Variants in INSR observed in about 807,000 individuals in gnomAD.
INSR encodes IR.
INSR carries 67 observed loss-of-function variants against 142.6 expected under a neutral mutation model. That is an observed-to-expected ratio of 0.47 (90% confidence interval 0.39 to 0.58). The LOEUF (loss-of-function observed/expected upper bound fraction) is 0.58. INSR is among the 20% of genes least tolerant of loss of function. INSR has a pLI of 0.00. For synonymous variants in INSR, 756 were observed against 743.1 expected, an observed-to-expected ratio of 1.02 and a Z score of -0.28; for missense variants, 1,248 against 1,833.2, an observed-to-expected ratio of 0.68 and a Z score of 5.83.
At chr19:7,221,837 C>T (rs896924126) in intron 2 of INSR, among the ~76,000 whole-genome samples, 11 of 152,098 alleles carry the variant, frequency 7.2e-5, no homozygotes, top group African/African-American at 2.2e-4. Flanking sequence ...CCAGGCCCCC[C>T]GTCCACTTAC....
chr19:7,285,163 A>C (rs1169407757), intron 1 of INSR, among the ~76,000 whole-genome samples: 1 of 151,688 alleles, frequency 6.6e-6, no homozygotes, highest in African/African-American at 2.4e-5. Flanking sequence ...GAAAAGTTAA[A>C]AATTAGGCCG....
chr19:7,113,195 A>G lies in INSR; in HGVS notation c.*3861T>C, dbSNP rs189534945. On this transcript the variant is annotated 3_prime_UTR_variant, in exon 22 of 22. Transcript: ENST00000302850. ...ATGCTGATGACGCTCCTGCTCTTTCACACGTGTTACAGCAGACTACAAATA... is the reference window on the plus strand; with the variant it reads ...ATGCTGATGACGCTCCTGCTCTTTCGCACGTGTTACAGCAGACTACAAATA... The G allele has an allele frequency of 1.1e-4, 16 of 152,178 alleles. No homozygotes were observed. The highest frequency in any genetic ancestry group is 7.2e-4 in the Admixed American group (11 of 15,294). The allele number at this position is 152,178 out of a possible 1,614,324, so 9.4% of individuals were successfully genotyped here.
At chr19:7,198,323 G>T (rs1250194119) in intron 2 of INSR, among the ~76,000 whole-genome samples, 1 of 151,892 alleles carries the variant, frequency 6.6e-6, no homozygotes, top group East Asian at 1.9e-4. Flanking sequence ...GGCCGCCGCC[G>T]GGCGGTCCCG....
chr19:7,167,733 C>T lies in INSR; in HGVS notation c.1610+235G>A, dbSNP rs141272481. 1.4e-3 allele frequency among the ~76,000 whole-genome samples: 206 copies of T among 152,178 alleles called. 2 individuals carry two copies. Among genetic ancestry groups the T allele is most frequent in the African/African-American group, 4.3e-3 (177 of 41,504 alleles). ...TATTGCCCCAGGAAACTGGCCAGTC[C>T]GGGCTTCTATGGGAAAGCTGTCTGC... On this transcript the variant is annotated intron_variant, in intron 7 of 21. Coordinates refer to ENST00000302850, the MANE Select transcript of INSR (RefSeq NM_000208.4).
At chr19:7,223,267 A>G (rs1975678799) in intron 2 of INSR, among the ~76,000 whole-genome samples, 1 of 152,246 alleles carries the variant, frequency 6.6e-6, no homozygotes, top group South Asian at 2.1e-4. Flanking sequence ...TGTCACAAGC[A>G]TTAATTACCT....
chr19:7,291,299 C>G (rs1274086434), intron 1 of INSR, among the ~76,000 whole-genome samples: 1 of 152,198 alleles, frequency 6.6e-6, no homozygotes, highest in African/African-American at 2.4e-5. Flanking sequence ...GCCCTGCTGC[C>G]TGCTGGCCTC....
intron 2 of INSR, among the ~76,000 whole-genome samples, chr19:7,231,674 C>T (rs1028739313): frequency 2.0e-5 from 3 of 152,084 alleles, no homozygotes; most frequent in Admixed American, 6.6e-5. Context: ...ACCTGCCATA[C>T]ATCCTTTTAC....
intron 1 of INSR, among the ~76,000 whole-genome samples, chr19:7,271,704 A>G (rs1170290884): frequency 6.6e-6 from 1 of 152,234 alleles, no homozygotes; most frequent in African/African-American, 2.4e-5. Context: ...AAATGTCTAT[A>G]GCAGCATTAT....
Position 7,117,024 on chromosome 19 carries a change from A to T in INSR, c.*32T>A. The stretch of plus-strand genomic sequence containing the variant: ...AAACCAGAGGAAAGCGAAAATGGGA[A>T]CCCCTGCCCGCCCCCGCCACGGTAG... On this transcript the variant is annotated 3_prime_UTR_variant, in exon 22 of 22. Transcript: ENST00000302850. 6.4e-7 allele frequency: 1 copy of T among 1,556,688 alleles called. No individual in the cohort carries two copies. Among genetic ancestry groups the T allele is most frequent in the South Asian group, 1.1e-5 (1 of 89,934 alleles).
In INSR at chr19:7,189,773, C is replaced by T. The variant is rs143030634; in HGVS notation, c.653-5136G>A. On this transcript the variant is annotated intron_variant, in intron 2 of 21. Transcript: ENST00000302850. Reference sequence around the variant, plus strand: ...CTGTGTCCCAGGTTCAAGCAATTCTCCTGCCTCAGCCTCCTGAGTAGCTGG... The same window carrying T: ...CTGTGTCCCAGGTTCAAGCAATTCTTCTGCCTCAGCCTCCTGAGTAGCTGG... 1.4e-3 allele frequency among the ~76,000 whole-genome samples: 207 copies of T among 151,718 alleles called. 2 individuals are homozygous for T. Among genetic ancestry groups the T allele is most frequent in the African/African-American group, 4.8e-3 (198 of 41,350 alleles).
intron 2 of INSR, among the ~76,000 whole-genome samples, chr19:7,221,266 C>G (rs1013426303): frequency 6.6e-6 from 1 of 151,608 alleles, no homozygotes; most frequent in Non-Finnish European, 1.5e-5. Flanking sequence ...CCCAGCTACT[C>G]GGGAGGCTGA....
intron 15 of INSR, among the ~76,000 whole-genome samples, chr19:7,127,840 T>A (rs923864530): frequency 6.6e-6 from 1 of 151,672 alleles, no homozygotes; most frequent in African/African-American, 2.4e-5. Context: ...GCCTCCTGGG[T>A]TCAAGCGATT....
chr19:7,170,432 C>T (rs1246254738), intron 6 of INSR, 105 bp downstream of exon 6: 7 of 824,132 alleles, frequency 8.5e-6, no homozygotes, highest in African/African-American at 6.7e-5. Flanking sequence ...ATGTAATGCA[C>T]TTGAATCATG....
At chr19:7,208,004 T>C (rs947788030) in intron 2 of INSR, among the ~76,000 whole-genome samples, 5 of 151,710 alleles carry the variant, frequency 3.3e-5, no homozygotes, top group African/African-American at 1.2e-4. Flanking sequence ...AGCTTGGCCT[T>C]GGGCATGGAA....
chr19:7,244,880 A>T (rs1181820185), intron 2 of INSR, among the ~76,000 whole-genome samples: 1 of 149,990 alleles, frequency 6.7e-6, no homozygotes, highest in Admixed American at 6.7e-5. Flanking sequence ...TTATGTTTTT[A>T]ATTAAATTTT....
In INSR at chr19:7,259,910, G is replaced by A. The variant is rs537122258; in HGVS notation, c.652+7435C>T. Among the ~76,000 whole-genome samples, 21 of 152,084 alleles carry A rather than the reference G, an allele frequency of 1.4e-4. No homozygotes were observed. In the South Asian group the frequency reaches 4.4e-3, roughly 32 times the overall value. ...TCTCAGCACTTTGAGAGGCTGAGGT[G>A]GGGGGATTCCTTAGAGTCCAGGAGT... On this transcript the variant is annotated intron_variant, in intron 2 of 21. Coordinates refer to ENST00000302850, the MANE Select transcript of INSR (RefSeq NM_000208.4).
In INSR at chr19:7,143,042, C is replaced by T. The variant is rs1973111082; in HGVS notation, c.2316G>A (p.Val772=). Reference sequence around the variant, plus strand: ...GGAAAGCTGCCACCGTGGGCACGGCCACCGTCACATTCCCAACATCGCCAA... The same window carrying T: ...GGAAAGCTGCCACCGTGGGCACGGCTACCGTCACATTCCCAACATCGCCAA... ...RSLGDVGNVT[V]AVPTVAAFPN... is the part of the protein sequence containing the mutation. Residue 772 remains valine (V), a synonymous_variant, in exon 12 of 22, where the codon GTG becomes GTA. Coordinates refer to ENST00000302850, the MANE Select transcript of INSR (RefSeq NM_000208.4). 2 of 1,614,216 alleles carry T rather than the reference C, an allele frequency of 1.2e-6. No homozygotes were observed.
intron 2 of INSR, among the ~76,000 whole-genome samples, chr19:7,207,158 G>A (rs1975126491): frequency 6.6e-6 from 1 of 152,140 alleles, no homozygotes; most frequent in African/African-American, 2.4e-5. Context: ...GTTCACGCCT[G>A]TAACCCCAGC....
rs1263630092 is a variant in INSR at position 7,221,581 on chromosome 19, G to A, written c.653-36944C>T. On this transcript the variant is annotated intron_variant, in intron 2 of 21. Coordinates refer to ENST00000302850, the MANE Select transcript of INSR (RefSeq NM_000208.4). ...AAATGAGCCGGTTGTGGTGGCACACGTCTGTAATCCCAGCTACTTGGGACG... is the reference window on the plus strand; with the variant it reads ...AAATGAGCCGGTTGTGGTGGCACACATCTGTAATCCCAGCTACTTGGGACG... Among the ~76,000 whole-genome samples the A allele has an allele frequency of 4.0e-5, 6 of 151,464 alleles. No homozygotes were observed. In the East Asian group the frequency reaches 7.8e-4, roughly 20 times the overall value.
Sources: gnomAD v4.1 joint callset for allele counts (sites outside exome capture counted in the v4.1 genomes callset) on GRCh38, gnomAD v4.1.1 for gene constraint, MANE v1.5 for transcripts, NCBI Gene and HGNC (gene_info 2026-07-23, HGNC 2026-07-21) for gene names.